Variants in CSMD1 observed in about 807,000 individuals in gnomAD.
CSMD1 encodes the protein CUB and sushi domain-containing protein 1.
In CSMD1, 213 loss-of-function variants were observed where a neutral mutation model predicts 417.5. That is an observed-to-expected ratio of 0.51 (90% CI 0.46 to 0.57). The LOEUF is 0.57. CSMD1 is among the 20% of genes least tolerant of loss of function. The pLI is 0.00. For synonymous variants in CSMD1, 2,862 were observed against 1,736.8 expected, an observed-to-expected ratio of 1.65 and a Z score of -16.11; for missense variants, 6,923 against 4,529.7, an observed-to-expected ratio of 1.53 and a Z score of -15.17.
chr8:3,882,504 G>A (rs1301587860), intron 5 of CSMD1, among the ~76,000 whole-genome samples: 1 of 152,166 alleles, frequency 6.6e-6, no homozygotes, highest in African/African-American at 2.4e-5. Context: ...GACTCTCTCT[G>A]CCTCGGTTGA....
At chr8:4,335,713 A>G (rs1800126107) in intron 3 of CSMD1, among the ~76,000 whole-genome samples, 2 of 152,272 alleles carry the variant, frequency 1.3e-5, no homozygotes, top group East Asian at 1.9e-4. Context: ...TTTCTCAAAA[A>G]TAACAAATAG....
At chr8:4,429,899 CAA>C (rs1797776002) in intron 2 of CSMD1, among the ~76,000 whole-genome samples, 3 of 151,902 alleles carry the variant, frequency 2.0e-5, no homozygotes, top group Admixed American at 2.0e-4. Flanking sequence ...CATTTTTGGC[CAA>C]GACTTGGGGA....
At chr8:4,597,815 A>G (rs972778460) in intron 2 of CSMD1, among the ~76,000 whole-genome samples, 6 of 152,192 alleles carry the variant, frequency 3.9e-5, no homozygotes, top group African/African-American at 4.8e-5. Context: ...CAAGAGCTAG[A>G]AAGATGAGCC....
chr8:3,951,869 T>A (rs1039929456), intron 5 of CSMD1, among the ~76,000 whole-genome samples: 1 of 151,850 alleles, frequency 6.6e-6, no homozygotes, highest in Non-Finnish European at 1.5e-5. Context: ...ACTTGCACAT[T>A]AAACTACATA....
chr8:4,148,604 G>A (rs779847153), intron 3 of CSMD1, among the ~76,000 whole-genome samples: 1 of 152,142 alleles, frequency 6.6e-6, no homozygotes, highest in Non-Finnish European at 1.5e-5. Flanking sequence ...TCTGGTGAGA[G>A]CCTTGTGTGT....
intron 25 of CSMD1, among the ~76,000 whole-genome samples, chr8:3,296,747 G>C (rs141436463): frequency 8.0e-4 from 122 of 152,238 alleles, no homozygotes; most frequent in African/African-American, 2.9e-3. Context: ...TGGCCCTGTA[G>C]GTTTGTCCCT....
chr8:3,476,105 G>A (rs571498151), intron 11 of CSMD1, among the ~76,000 whole-genome samples: 1 of 152,172 alleles, frequency 6.6e-6, no homozygotes, highest in South Asian at 2.1e-4. Context: ...CACTTTCGGA[G>A]GCTGAGGTGG....
intron 10 of CSMD1, among the ~76,000 whole-genome samples, chr8:3,546,758 G>A (rs1342559247): frequency 6.6e-6 from 1 of 152,196 alleles, no homozygotes; most frequent in African/African-American, 2.4e-5. Context: ...CTGCACAGTT[G>A]TGTTTCATGA....
At chr8:4,379,274 C>G (rs1459948266) in intron 3 of CSMD1, among the ~76,000 whole-genome samples, 1 of 152,134 alleles carries the variant, frequency 6.6e-6, no homozygotes, top group East Asian at 1.9e-4. Flanking sequence ...AATAGGTGAC[C>G]AGAAATCTTC....
intron 2 of CSMD1, among the ~76,000 whole-genome samples, chr8:4,479,956 T>A (rs1316685533): frequency 1.4e-5 from 2 of 142,606 alleles, no homozygotes; most frequent in African/African-American, 2.7e-5. Context: ...ACACAGCAAG[T>A]CTCTGTCTCA....
At chr8:3,794,439 T>A (rs1015511529) in intron 5 of CSMD1, among the ~76,000 whole-genome samples, 1 of 152,284 alleles carries the variant, frequency 6.6e-6, no homozygotes, top group African/African-American at 2.4e-5. Flanking sequence ...GTAGTGATCA[T>A]AGAATCAGTA....
chr8:4,990,864 G>A (rs1209457348), intron 1 of CSMD1, among the ~76,000 whole-genome samples: 1 of 152,064 alleles, frequency 6.6e-6, no homozygotes, highest in Non-Finnish European at 1.5e-5. Context: ...GGTATGGGAG[G>A]GCGCACCTCT....
chr8:4,435,474 T>C (rs944611573), intron 2 of CSMD1, among the ~76,000 whole-genome samples: 9 of 152,350 alleles, frequency 5.9e-5, no homozygotes, highest in South Asian at 2.1e-4. Flanking sequence ...CAGAAAATCT[T>C]TGGAAGCCCT....
chr8:4,004,331 G>A (rs575814960), intron 4 of CSMD1, among the ~76,000 whole-genome samples: 1 of 151,460 alleles, frequency 6.6e-6, no homozygotes, highest in African/African-American at 2.4e-5. Flanking sequence ...AACTTTATGT[G>A]TTTCTGAGAG....
Position 3,726,685 on chromosome 8 carries a change from G to C in CSMD1, c.932-18194C>G, listed in dbSNP as rs1028744264. 2.6e-5 allele frequency among the ~76,000 whole-genome samples: 4 copies of C among 152,174 alleles called. No individual in the cohort carries two copies. The South Asian group carries it at 8.3e-4, about 32-fold the overall frequency. On this transcript the variant is annotated intron_variant, in intron 6 of 69. Transcript: ENST00000635120. ...ACATCAGTCTGTAGTTCTGGTTTGT[G>C]AGTGGTACGAGGTGTATATTTACCT...
intron 1 of CSMD1, among the ~76,000 whole-genome samples, chr8:4,684,554 G>C (rs1394696971): frequency 6.6e-6 from 1 of 152,104 alleles, no homozygotes; most frequent in Admixed American, 6.5e-5. Context: ...TTCAAATCTA[G>C]GCTTTGCCAC....
chr8:4,013,420 G>C (rs745420171), intron 4 of CSMD1, among the ~76,000 whole-genome samples: 2 of 152,096 alleles, frequency 1.3e-5, no homozygotes, highest in Non-Finnish European at 2.9e-5. Context: ...TTCATTAGAG[G>C]TCCAAATATT....
intron 4 of CSMD1, among the ~76,000 whole-genome samples, chr8:4,031,480 C>G (rs889195959): frequency 6.6e-6 from 1 of 152,102 alleles, no homozygotes; most frequent in Non-Finnish European, 1.5e-5. Flanking sequence ...GAAACACTTA[C>G]CCCCATGATT....
rs941045719 is a variant in CSMD1 at position 4,449,401 on chromosome 8, C to G, written c.303-29336G>C. Among the ~76,000 whole-genome samples, 2 of 152,092 alleles carry G rather than the reference C, an allele frequency of 1.3e-5. 1 individual carries two copies. Among genetic ancestry groups the G allele is most frequent in the African/African-American group, 4.8e-5 (2 of 41,416 alleles). On this transcript the variant is annotated intron_variant, in intron 2 of 69. Transcript: ENST00000635120. ...GTGTATAACATAAGAGATACTGTGG[C>G]TATGTTTAGAATAGCCGTGTAGAAG...
Sources: allele counts gnomAD v4.1 joint callset (sites outside exome capture counted in the v4.1 genomes callset), GRCh38; gene constraint gnomAD v4.1.1; transcripts MANE v1.5; gene names NCBI Gene and HGNC (gene_info 2026-07-23, HGNC 2026-07-21).